The following COL19A1 variants were observed in gnomAD, a reference collection of about 807,000 sequenced individuals.
The protein encoded by COL19A1 is collagen alpha-1(XIX) chain.
In COL19A1, 159 loss-of-function variants were observed where a neutral mutation model predicts 190.2. That is an observed-to-expected ratio of 0.84 (90% CI 0.73 to 0.95). The LOEUF is 0.95. Ranked by LOEUF, COL19A1 falls within the 40% of genes least tolerant of loss-of-function variation. The pLI, the probability that COL19A1 is intolerant of heterozygous loss-of-function variation, is 0.00. For missense variants in COL19A1, 1,418 were observed against 1,431.9 expected, an observed-to-expected ratio of 0.99 and a Z score of 0.16; for synonymous variants, 509 against 458.9, an observed-to-expected ratio of 1.11 and a Z score of -1.39.
chr6:69,906,121 A>G (rs1231842625), intron 4 of COL19A1, among the ~76,000 whole-genome samples: 3 of 152,212 alleles, frequency 2.0e-5, no homozygotes, highest in Non-Finnish European at 4.4e-5. Context: ...ACTATAGAGT[A>G]CCTTATTTTC....
At chr6:70,171,203 A>G (rs1048023179) in intron 40 of COL19A1, among the ~76,000 whole-genome samples, 2 of 152,148 alleles carry the variant, frequency 1.3e-5, no homozygotes, top group African/African-American at 2.4e-5. Context: ...AGTGTATTTT[A>G]TTGGAAGACA....
intron 33 of COL19A1, 132 bp downstream of exon 33, chr6:70,156,501 G>A: frequency 1.0e-6 from 1 of 987,752 alleles, no homozygotes. Context: ...TATGGAGAGA[G>A]AGAGAGAGAG....
intron 16 of COL19A1, among the ~76,000 whole-genome samples, chr6:70,111,870 G>A (rs1177794996): frequency 6.6e-6 from 1 of 152,098 alleles, no homozygotes; most frequent in African/African-American, 2.4e-5. Context: ...TTATTCCAGA[G>A]CTGCCCAGAA....
chr6:70,027,491 C>T (rs1036378653), intron 12 of COL19A1, among the ~76,000 whole-genome samples: 2 of 151,950 alleles, frequency 1.3e-5, no homozygotes, highest in African/African-American at 4.8e-5. Context: ...AATCTAAATG[C>T]CAGTAGCAGC....
At chr6:70,027,117 T>A (rs1053640730) in intron 12 of COL19A1, among the ~76,000 whole-genome samples, 3 of 152,176 alleles carry the variant, frequency 2.0e-5, no homozygotes, top group African/African-American at 7.2e-5. Context: ...AATATTGTCT[T>A]AGAATGTATG....
chr6:70,031,812 A>G (rs924749694), intron 12 of COL19A1, among the ~76,000 whole-genome samples: 2 of 151,538 alleles, frequency 1.3e-5, no homozygotes, highest in African/African-American at 2.4e-5. Flanking sequence ...TGAAGTAGCA[A>G]CTCTCTCCTC....
intron 10 of COL19A1, among the ~76,000 whole-genome samples, chr6:69,960,454 A>G (rs947342648): frequency 6.6e-6 from 1 of 152,212 alleles, no homozygotes; most frequent in African/African-American, 2.4e-5. Flanking sequence ...TTAGAATGAC[A>G]TAAAATATTA....
intron 48 of COL19A1, among the ~76,000 whole-genome samples, chr6:70,194,640 A>G (rs1396359071): frequency 6.6e-6 from 1 of 152,216 alleles, no homozygotes; most frequent in Non-Finnish European, 1.5e-5. Flanking sequence ...AGGGCTTCCC[A>G]GCTGCCAGTG....
At chr6:69,926,287 G>A (rs963970430) in intron 4 of COL19A1, among the ~76,000 whole-genome samples, 2 of 152,120 alleles carry the variant, frequency 1.3e-5, no homozygotes, top group African/African-American at 4.8e-5. Context: ...AGATAAAAGA[G>A]TGGCCAATAG....
intron 31 of COL19A1, 49 bp from the exon 32 acceptor site, chr6:70,156,078 T>C: frequency 1.3e-6 from 2 of 1,550,708 alleles, no homozygotes; most frequent in East Asian, 4.6e-5. Flanking sequence ...CTCACCTTTA[T>C]AGACGGCTTT....
intron 11 of COL19A1, among the ~76,000 whole-genome samples, chr6:69,979,914 A>G (rs958567592): frequency 1.3e-5 from 2 of 151,924 alleles, no homozygotes; most frequent in Non-Finnish European, 2.9e-5. Flanking sequence ...AGGGCGTAAA[A>G]TAAAATCTAA....
intron 15 of COL19A1, among the ~76,000 whole-genome samples, chr6:70,088,771 C>A (rs192657745): frequency 1.3e-5 from 2 of 152,244 alleles, no homozygotes; most frequent in East Asian, 3.9e-4. Context: ...TTTCTCTTTA[C>A]TCTCCAACAT....
intron 15 of COL19A1, among the ~76,000 whole-genome samples, chr6:70,093,296 A>T (rs1562165615): frequency 6.6e-6 from 1 of 152,154 alleles, no homozygotes. Context: ...CACCAGCTTC[A>T]TGTGGCACCA....
chr6:70,163,286 T>A, intron 35 of COL19A1, 57 bp from the exon 36 acceptor site: 1 of 1,515,702 alleles, frequency 6.6e-7, no homozygotes, highest in Non-Finnish European at 9.1e-7. Flanking sequence ...CAACTTCCAA[T>A]ACCCTTTGGC....
intron 7 of COL19A1, among the ~76,000 whole-genome samples, chr6:69,935,681 A>G (rs1773053975): frequency 6.6e-6 from 1 of 151,416 alleles, no homozygotes; most frequent in South Asian, 2.1e-4. Context: ...TATTGTAATT[A>G]TCAAAGAATT....
chr6:70,159,576 A>G (rs1242632351), intron 34 of COL19A1, among the ~76,000 whole-genome samples: 5 of 152,182 alleles, frequency 3.3e-5, no homozygotes, highest in African/African-American at 4.8e-5. Context: ...GCCCTTCTTC[A>G]TATCATATCA....
chr6:70,130,265 G>T (rs756175984), intron 18 of COL19A1, 42 bp downstream of exon 18: 32 of 1,560,612 alleles, frequency 2.1e-5, no homozygotes, highest in Non-Finnish European at 2.5e-5. Flanking sequence ...TTGCTCTGTT[G>T]CCCAGGCTGG....
rs973292407 is a variant in COL19A1 at position 69,893,028 on chromosome 6, A to G, written c.92-5920A>G. ...TGCTACAAATTTTGTTCATAGGAGT[A>G]TACCTTACTCAATTATTAAAGGCCG... On this transcript the variant is annotated intron_variant, in intron 2 of 50. Transcript: ENST00000620364. Among the ~76,000 whole-genome samples the G allele has an allele frequency of 5.9e-5, 9 of 152,366 alleles. No homozygotes were observed. The South Asian group carries it at 1.7e-3, about 28-fold the overall frequency.
chr6:70,171,996 A>G lies in COL19A1; in HGVS notation c.2601A>G (p.Leu867=), dbSNP rs1238155452. The change falls in exon 41 of 51, where the codon TTA becomes TTG. Residue 867 remains leucine, a synonymous_variant. Transcript: ENST00000620364. The stretch of plus-strand genomic sequence containing the variant: ...CTGGTGCAATGGGGTTGCCAGGATT[A>G]GAAGGATTTCCAGGTGTAAAGGTAA... ...GEPGAMGLPG[L]EGFPGVKGDR... 1.2e-6 allele frequency: 2 copies of G among 1,611,598 alleles called. No individual in the cohort carries two copies. The highest frequency in any genetic ancestry group is 8.5e-7 in the Non-Finnish European group (1 of 1,179,308).
Sources: gnomAD v4.1 joint callset for allele counts (sites outside exome capture counted in the v4.1 genomes callset) on GRCh38, gnomAD v4.1.1 for gene constraint, MANE v1.5 for transcripts, NCBI Gene and HGNC (gene_info 2026-07-23, HGNC 2026-07-21) for gene names.